Variants in NTRK2 observed in about 807,000 individuals in gnomAD.
NTRK2 encodes the protein neurotrophic receptor tyrosine kinase 2.
Under a neutral mutation model 94.5 loss-of-function variants are expected in NTRK2, and 13 were observed. That is an observed-to-expected ratio of 0.14 (90% CI 0.09 to 0.22). The LOEUF (loss-of-function observed/expected upper bound fraction) is 0.22. NTRK2 is among the 10% of genes least tolerant of loss of function. NTRK2 has a pLI of 1.00. For synonymous variants in NTRK2, 372 were observed against 407.4 expected (o/e 0.91, Z 1.05); for missense variants, 639 against 1,071.2 (o/e 0.60, Z 5.63).
At chr9:84,773,073 C>G (rs374612633) in intron 12 of NTRK2, among the ~76,000 whole-genome samples, 2 of 152,238 alleles carry the variant, frequency 1.3e-5, no homozygotes, top group South Asian at 2.1e-4. Context: ...TCCTGCCAAG[C>G]CTTTTTTTTT....
At chr9:84,672,945 T>C (rs1406301288) in intron 2 of NTRK2, among the ~76,000 whole-genome samples, 1 of 152,232 alleles carries the variant, frequency 6.6e-6, no homozygotes, top group Admixed American at 6.5e-5. Context: ...AGTTATTCAT[T>C]CAATCGTGGC....
At chr9:84,703,906 A>G (rs2060883248) in intron 4 of NTRK2, among the ~76,000 whole-genome samples, 1 of 152,244 alleles carries the variant, frequency 6.6e-6, no homozygotes, top group Non-Finnish European at 1.5e-5. Context: ...GAGAAGTTGG[A>G]TAGAAGAAAA....
chr9:84,918,319 GC>G (rs2077459267), intron 14 of NTRK2, among the ~76,000 whole-genome samples: 1 of 152,262 alleles, frequency 6.6e-6, no homozygotes, highest in East Asian at 1.9e-4. Context: ...TGCCTCCTTT[GC>G]CCCTGTCCTT....
intron 12 of NTRK2, among the ~76,000 whole-genome samples, chr9:84,847,143 G>T (rs1348752438): frequency 6.6e-6 from 1 of 152,182 alleles, no homozygotes; most frequent in East Asian, 1.9e-4. Context: ...AAATCCCAAA[G>T]CCTTTTATCC....
chr9:84,825,060 G>A (rs903932835), intron 12 of NTRK2, among the ~76,000 whole-genome samples: 3 of 151,440 alleles, frequency 2.0e-5, no homozygotes, highest in Non-Finnish European at 4.4e-5. Context: ...TTCTGCTGTA[G>A]TGGACAATTT....
At chr9:85,016,244 C>G (rs549333060) in intron 17 of NTRK2, among the ~76,000 whole-genome samples, 35 of 152,300 alleles carry the variant, frequency 2.3e-4, no homozygotes, top group Non-Finnish European at 3.1e-4. Context: ...GGTACCTGCT[C>G]AAGCTGGTTA....
chr9:84,880,476 G>A (rs773813618), intron 14 of NTRK2, among the ~76,000 whole-genome samples: 2 of 152,132 alleles, frequency 1.3e-5, no homozygotes, highest in African/African-American at 2.4e-5. Context: ...TCTACAACTC[G>A]TTCCTTCATT....
At chr9:84,989,119 A>G (rs981025479) in intron 17 of NTRK2, among the ~76,000 whole-genome samples, 2 of 152,114 alleles carry the variant, frequency 1.3e-5, no homozygotes, top group Non-Finnish European at 2.9e-5. Flanking sequence ...ACCTCAAGAA[A>G]AGGCTTGTAG....
At chr9:84,881,988 T>C (rs1334243499) in intron 14 of NTRK2, among the ~76,000 whole-genome samples, 1 of 152,172 alleles carries the variant, frequency 6.6e-6, no homozygotes, top group Non-Finnish European at 1.5e-5. Context: ...ATATGGTGGG[T>C]ATTCTTGTTA....
chr9:84,916,890 C>T (rs1259032613), intron 14 of NTRK2, among the ~76,000 whole-genome samples: 4 of 152,144 alleles, frequency 2.6e-5, no homozygotes, highest in African/African-American at 9.7e-5. Flanking sequence ...ATCTATTAAG[C>T]TTTTATAGAA....
chr9:84,690,220 A>G (rs1398147696), intron 2 of NTRK2, among the ~76,000 whole-genome samples: 1 of 152,222 alleles, frequency 6.6e-6, no homozygotes, highest in Non-Finnish European at 1.5e-5. Flanking sequence ...ACCTTCATAG[A>G]GATCCTAAAA....
At chr9:84,787,914 A>T (rs1588603588) in intron 12 of NTRK2, among the ~76,000 whole-genome samples, 1 of 152,160 alleles carries the variant, frequency 6.6e-6, no homozygotes, top group African/African-American at 2.4e-5. Flanking sequence ...GCATTTACCA[A>T]ATCTGTGGCC....
intron 12 of NTRK2, among the ~76,000 whole-genome samples, chr9:84,826,042 T>C (rs541904969): frequency 6.6e-6 from 1 of 152,180 alleles, no homozygotes; most frequent in Non-Finnish European, 1.5e-5. Context: ...TGAATGAAAC[T>C]AAATTCCACC....
At chr9:84,889,053 C>T (rs1012400765) in intron 14 of NTRK2, among the ~76,000 whole-genome samples, 1 of 130,790 alleles carries the variant, frequency 7.6e-6, no homozygotes, top group African/African-American at 3.0e-5. Context: ...TGCAGTGGCG[C>T]GATCTCGGCT....
chr9:84,964,493 G>A lies in NTRK2; in HGVS notation c.2172+8976G>A, dbSNP rs150953417. Among the ~76,000 whole-genome samples the A allele has an allele frequency of 2.1e-3, 322 of 152,272 alleles. 5 individuals carry two copies. The highest frequency in any genetic ancestry group is 6.8e-3 in the Middle Eastern group (2 of 292). ...CCATGAATAGTATCCTCACATGCAC[G>A]CACTGATCAGAACTCAGCTCGGTAT... On this transcript the variant is annotated intron_variant, in intron 17 of 18. Transcript: ENST00000277120.
rs2132718303 is a variant in NTRK2, at chr9:84,934,175, C to G, written c.1647C>G (p.Ile549Met). 1 of 1,613,966 alleles carries G rather than the reference C, an allele frequency of 6.2e-7. No homozygotes were observed. ...QLKPDTFVQH[I>M]KRHNIVLKRE... ...TTTGTTTTGCAGTTGTTCAGCACATCAAGCGACATAACATTGTTCTGAAAA... is the reference window on the plus strand; with the variant it reads ...TTTGTTTTGCAGTTGTTCAGCACATGAAGCGACATAACATTGTTCTGAAAA... The change falls in exon 15 of 19, where the codon ATC becomes ATG. Residue 549 changes from isoleucine (I) to methionine (M), a missense_variant. Transcript: ENST00000277120.
chr9:84,746,332 T>C lies in NTRK2; in HGVS notation c.1296+1259T>C, dbSNP rs77801472. On this transcript the variant is annotated intron_variant, in intron 11 of 18. Transcript: ENST00000277120. ...TTGTGCTCCGATGGGGGTGGAGTAGTTGCAGCAGAGACCATATGGTCTGCA... is the reference window on the plus strand; with the variant it reads ...TTGTGCTCCGATGGGGGTGGAGTAGCTGCAGCAGAGACCATATGGTCTGCA... Among the ~76,000 whole-genome samples, 558 of 152,282 alleles carry C rather than the reference T, an allele frequency of 3.7e-3. 2 individuals carry two copies. Among genetic ancestry groups the C allele is most frequent in the African/African-American group, 0.013 (536 of 41,568 alleles).
rs571360930 is a variant in NTRK2 at position 84,924,200 on chromosome 9, G to C, written c.1634-9962G>C. 3.3e-5 allele frequency among the ~76,000 whole-genome samples: 5 copies of C among 151,042 alleles called. No individual in the cohort carries two copies. The South Asian group carries it at 8.4e-4, about 25-fold the overall frequency. On this transcript the variant is annotated intron_variant, in intron 14 of 18. Transcript: ENST00000277120. ...GCACTGCACTCCAGCCTGTATGACA[G>C]AGTGAGACCCTGTCTCAAAGAAAGA...
At chr9:84,877,472 GC>G in intron 14 of NTRK2, 2 of 1,065,996 alleles carry the variant, frequency 1.9e-6, no homozygotes, top group Non-Finnish European at 2.3e-6. Flanking sequence ...TGGCTAATGG[GC>G]ACTACATCTG....
Sources: gnomAD v4.1 joint callset for allele counts (sites outside exome capture counted in the v4.1 genomes callset) on GRCh38, gnomAD v4.1.1 for gene constraint, MANE v1.5 for transcripts, NCBI Gene and HGNC (gene_info 2026-07-23, HGNC 2026-07-21) for gene names.